TAF2: variants seen among roughly 807,000 people sequenced by gnomAD.
TAF2 encodes TATA-box binding protein associated factor 2.
Under a neutral mutation model 138.5 loss-of-function variants are expected in TAF2, and 61 were observed. The observed-to-expected ratio is 0.44, with a 90% CI of 0.36 to 0.54. The LOEUF is 0.54. Ranked by LOEUF, TAF2 falls within the 20% of genes least tolerant of loss-of-function variation. The pLI, the probability that TAF2 is intolerant of heterozygous loss-of-function variation, is 0.00. For synonymous variants in TAF2, 475 were observed against 469.9 expected (o/e 1.01, Z -0.14); for missense variants, 1,090 against 1,427.9 (o/e 0.76, Z 3.81).
chr8:119,742,311 T>C (rs972430451), intron 25 of TAF2, among the ~76,000 whole-genome samples: 2 of 149,948 alleles, frequency 1.3e-5, no homozygotes, highest in South Asian at 2.1e-4. Context: ...AATTTTCTTT[T>C]ATTTCCAAGT....
chr8:119,731,305 C>CA lies in TAF2; in HGVS notation c.*618dup, dbSNP rs1055252120. 4 of 152,156 alleles carry CA rather than the reference C, an allele frequency of 2.6e-5. No individual in the cohort carries two copies. Among genetic ancestry groups the CA allele is most frequent in the African/African-American group, 9.7e-5 (4 of 41,430 alleles). The allele number at this position is 152,156 out of a possible 1,614,324, so 9.4% of individuals were successfully genotyped here. A position where few individuals can be genotyped will look rare whatever the true frequency, so the allele number is the denominator to read the frequency against. ...AATGTGTTATCAAAAGATAGTTATTCAAAATTTTTTTAAAAAAGAATTGCT... is the reference window on the plus strand; with the variant it reads ...AATGTGTTATCAAAAGATAGTTATTCAAAAATTTTTTTAAAAAAGAATTGCT... On this transcript the variant is annotated 3_prime_UTR_variant, in exon 26 of 26. Coordinates refer to ENST00000378164, the MANE Select transcript of TAF2 (RefSeq NM_003184.4).
intron 25 of TAF2, among the ~76,000 whole-genome samples, chr8:119,738,306 T>A (rs1426152312): frequency 2.6e-5 from 4 of 152,154 alleles, no homozygotes; most frequent in Admixed American, 2.6e-4. Flanking sequence ...CATAGGAGCA[T>A]AATGAGGTCA....
Position 119,791,402 on chromosome 8 carries a change from G to A in TAF2, c.1335C>T (p.Tyr445=), listed in dbSNP as rs1299515332. Residue 445 remains tyrosine, a synonymous_variant, in exon 11 of 26, where the codon TAC becomes TAT. Transcript: ENST00000378164. ...GGGCTTTACACTGAAACATACTGTA[G>A]TATTCCCAGGACAGTGTATGTGGAT... ...IKHPHTLSWE[Y]YSMFQCKAHL... is the part of the protein sequence containing the mutation. 1.2e-6 allele frequency: 2 copies of A among 1,613,582 alleles called. No homozygotes were observed. Among genetic ancestry groups the A allele is most frequent in the South Asian group, 1.1e-5 (1 of 91,088 alleles).
At chr8:119,811,805 C>CA (rs771523182) in intron 3 of TAF2, among the ~76,000 whole-genome samples, 18,049 of 58,602 alleles carry the variant, frequency 0.31, 2,492 homozygotes, top group Middle Eastern at 0.41. Flanking sequence ...GACTCCGTCT[C>CA]AAAAAAAAAA....
intron 3 of TAF2, among the ~76,000 whole-genome samples, chr8:119,816,483 G>A (rs1255292227): frequency 6.6e-6 from 1 of 151,898 alleles, no homozygotes; most frequent in African/African-American, 2.4e-5. Context: ...TAAAATCAAT[G>A]GTAAAATCAA....
chr8:119,755,934 G>T, intron 22 of TAF2, 72 bp downstream of exon 22: 1 of 1,223,004 alleles, frequency 8.2e-7, no homozygotes, highest in Non-Finnish European at 1.2e-6. Flanking sequence ...AAATGCTATT[G>T]AATTGAAAAT....
chr8:119,790,430 T>C lies in TAF2; in HGVS notation c.1414-684A>G, dbSNP rs138565367. Among the ~76,000 whole-genome samples, 223 of 151,254 alleles carry C rather than the reference T, an allele frequency of 1.5e-3. 2 individuals carry two copies. The East Asian group carries it at 0.03, about 20-fold the overall frequency. ...ACTCCAGCCTGGGTGACAGAGACCC[T>C]ATCTCAAAAAAAAACAAAACAAACC... is the stretch of plus-strand genomic sequence containing the variant. On this transcript the variant is annotated intron_variant, in intron 11 of 25. Coordinates refer to ENST00000378164, the MANE Select transcript of TAF2 (RefSeq NM_003184.4).
chr8:119,831,954 T>A (rs906950355), intron 1 of TAF2, among the ~76,000 whole-genome samples: 1 of 151,590 alleles, frequency 6.6e-6, no homozygotes, highest in Admixed American at 6.6e-5. Flanking sequence ...AGGTCAAGAG[T>A]TCGAGACCAG....
At chr8:119,828,189 T>G (rs1299266533) in intron 2 of TAF2, among the ~76,000 whole-genome samples, 2 of 152,080 alleles carry the variant, frequency 1.3e-5, no homozygotes, top group African/African-American at 4.8e-5. Context: ...TGGAAGGAAT[T>G]TTTGCCTCCT....
In TAF2 at chr8:119,803,867, C is replaced by G. The variant is rs1281957723; in HGVS notation, c.560+11G>C. On this transcript the variant is annotated intron_variant, in intron 5 of 25. Coordinates refer to ENST00000378164, the MANE Select transcript of TAF2 (RefSeq NM_003184.4). ...AAAATTAATTGAAATATTTAAGAAT[C>G]TATAATCTACCTTGTAGAATTTTGA... 1.2e-6 allele frequency: 2 copies of G among 1,605,730 alleles called. No homozygotes were observed. The highest frequency in any genetic ancestry group is 1.7e-6 in the Non-Finnish European group (2 of 1,176,564).
At chr8:119,818,116 A>G (rs1319036982) in intron 3 of TAF2, among the ~76,000 whole-genome samples, 1 of 152,248 alleles carries the variant, frequency 6.6e-6, no homozygotes, top group East Asian at 1.9e-4. Flanking sequence ...GTCTAAAAAT[A>G]AGCCTCCCTT....
chr8:119,742,670 C>T lies in TAF2; in HGVS notation c.3215-14G>A, dbSNP rs762682458. 6.2e-6 allele frequency: 10 copies of T among 1,611,308 alleles called. No homozygotes were observed. Among genetic ancestry groups the T allele is most frequent in the Admixed American group, 5.0e-5 (3 of 59,656 alleles). ...ATTTCGAGAGCCCTAAAATGCCAAA[C>T]AAGAGAAAAAAGAGGGATTTATTTC... On this transcript the variant is annotated splice_polypyrimidine_tract_variant and intron_variant, in intron 24 of 25. Transcript: ENST00000378164.
intron 2 of TAF2, among the ~76,000 whole-genome samples, chr8:119,830,027 T>C (rs1826347631): frequency 1.3e-5 from 2 of 151,624 alleles, no homozygotes; most frequent in Non-Finnish European, 2.9e-5. Context: ...GCCTCCCGAG[T>C]AGCTGGGACC....
intron 20 of TAF2, among the ~76,000 whole-genome samples, chr8:119,760,009 T>A (rs1359864459): frequency 6.7e-6 from 1 of 150,162 alleles, no homozygotes; most frequent in Non-Finnish European, 1.5e-5. Flanking sequence ...CAGAAACTAC[T>A]GTAGGTCTGC....
chr8:119,810,017 AC>A (rs1563912725), intron 3 of TAF2, among the ~76,000 whole-genome samples: 1 of 151,336 alleles, frequency 6.6e-6, no homozygotes, highest in Non-Finnish European at 1.5e-5. Flanking sequence ...AAAAAAAAAA[AC>A]AGTATCTGCG....
At chr8:119,799,921 C>T (rs1824127869) in intron 6 of TAF2, among the ~76,000 whole-genome samples, 1 of 152,170 alleles carries the variant, frequency 6.6e-6, no homozygotes, top group South Asian at 2.1e-4. Flanking sequence ...AGCATTTTTT[C>T]ATGTGTCTGT....
intron 25 of TAF2, among the ~76,000 whole-genome samples, chr8:119,733,131 G>A (rs28637899): frequency 0.15 from 23,517 of 152,052 alleles, 3,729 homozygotes; most frequent in African/African-American, 0.41. Flanking sequence ...TCCCCTCTGC[G>A]TATACCAAAG....
intron 18 of TAF2, among the ~76,000 whole-genome samples, chr8:119,772,188 TA>T (rs1436833885): frequency 6.6e-6 from 1 of 152,026 alleles, no homozygotes; most frequent in Non-Finnish European, 1.5e-5. Flanking sequence ...ATGCTAAGAG[TA>T]AAGTTTATTG....
chr8:119,791,558 G>T, intron 10 of TAF2, 99 bp from the exon 11 acceptor site: 3 of 1,381,046 alleles, frequency 2.2e-6, no homozygotes, highest in Non-Finnish European at 3.0e-6. Flanking sequence ...AAAAACCTCA[G>T]GAGAATATAT....
Sources: gnomAD v4.1 joint callset for allele counts (sites outside exome capture counted in the v4.1 genomes callset) on GRCh38, gnomAD v4.1.1 for gene constraint, MANE v1.5 for transcripts, NCBI Gene and HGNC (gene_info 2026-07-23, HGNC 2026-07-21) for gene names.